The following RAD54L2 variants were observed in gnomAD, a reference collection of about 807,000 sequenced individuals.
RAD54L2 encodes the protein RAD54 like 2.
In RAD54L2, 27 loss-of-function variants were observed where a neutral mutation model predicts 138.4. The ratio of observed to expected loss-of-function variants is 0.20; its 90% CI spans 0.14 to 0.27. The LOEUF (loss-of-function observed/expected upper bound fraction) is 0.27, where lower values mean the gene tolerates loss of function less well. Ranked by LOEUF, RAD54L2 falls within the 10% of genes least tolerant of loss-of-function variation. The pLI is 1.00. For synonymous variants in RAD54L2, 644 were observed against 723.2 expected, an observed-to-expected ratio of 0.89 and a Z score of 1.76; for missense variants, 1,396 against 1,890.2, an observed-to-expected ratio of 0.74 and a Z score of 4.85.
intron 2 of RAD54L2, among the ~76,000 whole-genome samples, chr3:51,572,686 T>C (rs544650834): frequency 2.0e-5 from 3 of 148,926 alleles, no homozygotes; most frequent in South Asian, 4.3e-4. Context: ...TCACCCAGGC[T>C]CGAGTGCAGT....
In RAD54L2 at chr3:51,663,278, C is replaced by T. The variant is rs1367648659; in HGVS notation, c.4262C>T (p.Ser1421Phe). ...RGMSIYPGYM[S>F]PHAGYPAGGL... ...ATGTCTATCTATCCAGGCTACATGT[C>T]CCCACATGCAGGCTACCCAGCTGGT... Residue 1421 changes from serine (S) to phenylalanine (F), a missense_variant, in exon 23 of 23, where the codon TCC becomes TTC. Physicochemically the swap from Ser to Phe is radical, Grantham distance 155. This residue lies in a region of RAD54L2 where 634 missense variants were observed against 711.2 expected (regional missense o/e 0.89). Transcript: ENST00000684192. 6.2e-7 allele frequency: 1 copy of T among 1,613,982 alleles called. No individual in the cohort carries two copies. The highest frequency in any genetic ancestry group is 8.5e-7 in the Non-Finnish European group (1 of 1,179,884).
intron 3 of RAD54L2, among the ~76,000 whole-genome samples, chr3:51,596,157 A>C (rs190644683): frequency 2.6e-3 from 43 of 16,330 alleles, no homozygotes; most frequent in African/African-American, 0.011. Context: ...CAAACTCCTG[A>C]CCTCAAGTGA....
chr3:51,660,045 T>C lies in RAD54L2; in HGVS notation c.3336T>C (p.Ser1112=), dbSNP rs1179833915. 3 of 1,594,316 alleles carry C rather than the reference T, an allele frequency of 1.9e-6. No homozygotes were observed. The highest frequency in any genetic ancestry group is 2.2e-5 in the South Asian group (2 of 89,894). Residue 1112 remains serine, a synonymous_variant, in exon 22 of 23, where the codon AGT becomes AGC. Coordinates refer to ENST00000684192, the MANE Select transcript of RAD54L2 (RefSeq NM_015106.4). ...RGTKGTYIRT[S]DGRIFAVRAT... is the part of the protein sequence containing the mutation. The stretch of plus-strand genomic sequence containing the variant: ...TCTTAGGGACGTACATCCGTACCAG[T>C]GATGGACGGATCTTTGCTGTCCGGG...
intron 1 of RAD54L2, among the ~76,000 whole-genome samples, chr3:51,539,156 T>A (rs1553670750): frequency 6.6e-6 from 1 of 152,168 alleles, no homozygotes; most frequent in Non-Finnish European, 1.5e-5. Flanking sequence ...TTTGAGGATT[T>A]CGTAGCCGGG....
At chr3:51,596,286 CTGTCCGTGA>C (rs770505931) in intron 3 of RAD54L2, among the ~76,000 whole-genome samples, 38 of 150,296 alleles carry the variant, frequency 2.5e-4, no homozygotes, top group Non-Finnish European at 3.5e-4. Flanking sequence ...GCTCTGTCAA[CTGTCCGTGA>C]TAGGGAGCCC....
chr3:51,660,216 C>A, intron 22 of RAD54L2, 98 bp downstream of exon 22: 1 of 867,566 alleles, frequency 1.2e-6, no homozygotes. Flanking sequence ...ATAATATGTA[C>A]ATGGTTCACA....
chr3:51,646,198 C>A, intron 18 of RAD54L2, 87 bp from the exon 19 acceptor site: 1 of 1,244,896 alleles, frequency 8.0e-7, no homozygotes, highest in South Asian at 1.3e-5. Context: ...GTGCTGGAGA[C>A]AGCCAGCTCT....
In RAD54L2 at chr3:51,663,479, A is replaced by C; in HGVS notation, c.*59A>C. The C allele has an allele frequency of 3.9e-6, 6 of 1,537,474 alleles. No individual in the cohort carries two copies. The highest frequency in any genetic ancestry group is 5.3e-6 in the Non-Finnish European group (6 of 1,130,944). ...CCAGCAGGTTGCCCACCAAGCTGAA[A>C]GGCAGTGATTTAGACCTTTTGAGAA... On this transcript the variant is annotated 3_prime_UTR_variant, in exon 23 of 23. Coordinates refer to ENST00000684192, the MANE Select transcript of RAD54L2 (RefSeq NM_015106.4).
At chr3:51,658,513 A>C (rs1314447108) in intron 21 of RAD54L2, among the ~76,000 whole-genome samples, 1 of 152,226 alleles carries the variant, frequency 6.6e-6, no homozygotes, top group East Asian at 1.9e-4. Context: ...TGGGCTAAAC[A>C]GTATTGAGAC....
At chr3:51,574,046 C>A (rs1249726978) in intron 2 of RAD54L2, among the ~76,000 whole-genome samples, 1 of 131,762 alleles carries the variant, frequency 7.6e-6, no homozygotes, top group African/African-American at 2.8e-5. Context: ...CACCCTGTGT[C>A]CAAGTGTTCT....
At chr3:51,597,851 G>A (rs1278488343) in intron 3 of RAD54L2, among the ~76,000 whole-genome samples, 1 of 151,912 alleles carries the variant, frequency 6.6e-6, no homozygotes, top group East Asian at 1.9e-4. Context: ...GTACTCTGGA[G>A]GCTGAGGCAG....
chr3:51,645,202 C>T lies in RAD54L2; in HGVS notation c.2629C>T (p.Arg877Cys), dbSNP rs1303305255. 3 of 1,613,086 alleles carry T rather than the reference C, an allele frequency of 1.9e-6. No individual in the cohort carries two copies. Among genetic ancestry groups the T allele is most frequent in the South Asian group, 1.1e-5 (1 of 90,874 alleles). ...CACTCTAGAAAAGAAGATCTATGAC[C>T]GTCAGATTTCCAAGCAGGGCATGTC... ...DYTLEKKIYD[R>C]QISKQGMSDR... Residue 877 changes from arginine (R) to cysteine (C), a missense_variant, in exon 17 of 23, where the codon CGT becomes TGT. Transcript: ENST00000684192. This position sits in a 1 kb window ranked among gnomAD's most constrained non-coding sequence, Gnocchi z 6.1.
chr3:51,584,445 C>T (rs1699670539), intron 2 of RAD54L2, among the ~76,000 whole-genome samples: 1 of 152,030 alleles, frequency 6.6e-6, no homozygotes, highest in African/African-American at 2.4e-5. Flanking sequence ...AACTGATAGA[C>T]ACTCAAAAGG....
chr3:51,594,018 C>G (rs1194142262), intron 3 of RAD54L2, among the ~76,000 whole-genome samples: 1 of 150,510 alleles, frequency 6.6e-6, no homozygotes, highest in Admixed American at 6.6e-5. Flanking sequence ...CCCCCATAAG[C>G]ATTTTGACAC....
intron 2 of RAD54L2, among the ~76,000 whole-genome samples, chr3:51,560,734 C>T (rs1699079442): frequency 6.6e-6 from 1 of 152,164 alleles, no homozygotes; most frequent in Non-Finnish European, 1.5e-5. Flanking sequence ...TTTATTCCGC[C>T]TTCCACATTT....
chr3:51,645,425 C>T lies in RAD54L2; in HGVS notation c.2657-166C>T, dbSNP rs1409651212. On this transcript the variant is annotated intron_variant, in intron 17 of 22. Coordinates refer to ENST00000684192, the MANE Select transcript of RAD54L2 (RefSeq NM_015106.4). The surrounding 1 kb of genome is among the most constrained non-coding windows in gnomAD (Gnocchi z 6.1). Reference sequence around the variant, plus strand: ...TTGTTGAAGGTGAGTTTAATGATAACAGCCAAGCTCGTTATACAAGTTTTC... The same window carrying T: ...TTGTTGAAGGTGAGTTTAATGATAATAGCCAAGCTCGTTATACAAGTTTTC... Among the ~76,000 whole-genome samples, 1 of 152,248 alleles carries T rather than the reference C, an allele frequency of 6.6e-6. No individual in the cohort carries two copies. Among genetic ancestry groups the T allele is most frequent in the Non-Finnish European group, 1.5e-5 (1 of 68,046 alleles).
At chr3:51,564,002 CA>C (rs1429219533) in intron 2 of RAD54L2, among the ~76,000 whole-genome samples, 1 of 152,164 alleles carries the variant, frequency 6.6e-6, no homozygotes, top group Non-Finnish European at 1.5e-5. Flanking sequence ...TTTTGGAAAG[CA>C]AAATTAAATA....
rs1248288329 is a variant in RAD54L2, at chr3:51,664,373, G to T, written c.*953G>T. 1 of 152,246 alleles carries T rather than the reference G, an allele frequency of 6.6e-6. No individual in the cohort carries two copies. The highest frequency in any genetic ancestry group is 2.4e-5 in the African/African-American group (1 of 41,458). 9.4% of individuals were successfully genotyped at this position (152,246 alleles called of 1,614,324 possible). A position where few individuals can be genotyped will look rare whatever the true frequency, so the allele number is the denominator to read the frequency against. ...AAGCACTGCAGTACGTGAATGAAAGGTCGCAGAGTTGTGGCTGGAAAATAC... is the reference window on the plus strand; with the variant it reads ...AAGCACTGCAGTACGTGAATGAAAGTTCGCAGAGTTGTGGCTGGAAAATAC... On this transcript the variant is annotated 3_prime_UTR_variant, in exon 23 of 23. Transcript: ENST00000684192.
At chr3:51,543,176 A>C (rs1368749120) in intron 2 of RAD54L2, among the ~76,000 whole-genome samples, 1 of 147,468 alleles carries the variant, frequency 6.8e-6, no homozygotes, top group Non-Finnish European at 1.5e-5. Context: ...ATAAGACAGG[A>C]AAAAAAAAAA....
Sources: gnomAD v4.1 joint callset for allele counts (sites outside exome capture counted in the v4.1 genomes callset) on GRCh38, gnomAD v4.1.1 for gene constraint, gnomAD v4.1.1 regional missense constraint, Gnocchi (gnomAD v3.1) non-coding constraint, MANE v1.5 for transcripts, NCBI Gene and HGNC (gene_info 2026-07-23, HGNC 2026-07-21) for gene names.